The following CDK14 variants were observed in gnomAD, a reference collection of about 807,000 sequenced individuals.
The protein encoded by CDK14 is cyclin dependent kinase 14, also known as cyclin-dependent kinase 14.
In CDK14, 34 loss-of-function variants were observed where a neutral mutation model predicts 60.7. The observed-to-expected ratio is 0.56, with a 90% CI of 0.43 to 0.75. CDK14 has a LOEUF of 0.75. Among genes scored for constraint, CDK14 ranks in the 30% least tolerant of loss-of-function variants. CDK14 has a pLI of 0.00. For missense variants in CDK14, 482 were observed against 564.1 expected, an observed-to-expected ratio of 0.85 and a Z score of 1.47; for synonymous variants, 197 against 203.7, an observed-to-expected ratio of 0.97 and a Z score of 0.28.
chr7:90,970,035 C>A (rs1055423265), intron 9 of CDK14, among the ~76,000 whole-genome samples: 8 of 150,472 alleles, frequency 5.3e-5, no homozygotes, highest in Non-Finnish European at 8.8e-5. Flanking sequence ...GGCACAATCT[C>A]GGCTCATTGC....
chr7:90,856,729 A>G (rs75727887), intron 5 of CDK14, among the ~76,000 whole-genome samples: 6,380 of 152,262 alleles, frequency 0.042, 191 homozygotes, highest in Middle Eastern at 0.082. Flanking sequence ...AGTAAGGGAG[A>G]TGGAACTTAG....
At chr7:91,091,755 A>G (rs1302041029) in intron 12 of CDK14, among the ~76,000 whole-genome samples, 3 of 63,974 alleles carry the variant, frequency 4.7e-5, no homozygotes, top group Non-Finnish European at 6.8e-5. Context: ...GGAAGGAAGG[A>G]AGGAAGGAAG....
intron 10 of CDK14, among the ~76,000 whole-genome samples, chr7:91,038,285 C>T (rs952195680): frequency 6.6e-6 from 1 of 152,116 alleles, no homozygotes; most frequent in African/African-American, 2.4e-5. Context: ...TACAAGGATC[C>T]TTCAGGTCTA....
chr7:91,204,049 A>G (rs1562993647), intron 14 of CDK14, among the ~76,000 whole-genome samples: 1 of 152,182 alleles, frequency 6.6e-6, no homozygotes, highest in African/African-American at 2.4e-5. Context: ...TATCTGCACA[A>G]TCAAGCAAGG....
chr7:91,145,958 T>G lies in CDK14; in HGVS notation c.*28+27750T>G, dbSNP rs1294807555. ...TATTTATTTATTTATTTATTTATTT[T>G]TTATGTCAAGGCATCACAGATTAAA... On this transcript the variant is annotated intron_variant, in intron 14 of 14. Transcript: ENST00000380050. Among the ~76,000 whole-genome samples the G allele has an allele frequency of 2.1e-5, 3 of 140,960 alleles. No homozygotes were observed. The South Asian group carries it at 6.6e-4, about 31-fold the overall frequency. The allele number at this position is 140,960 out of a possible 152,430, so 92.5% of individuals were successfully genotyped here.
intron 6 of CDK14, among the ~76,000 whole-genome samples, chr7:90,893,062 T>C (rs890252040): frequency 2.6e-5 from 4 of 152,180 alleles, no homozygotes; most frequent in Admixed American, 2.0e-4. Flanking sequence ...TTGAAAGGAA[T>C]ATATGCTAGT....
intron 5 of CDK14, among the ~76,000 whole-genome samples, chr7:90,800,507 T>C (rs1222964969): frequency 1.0e-5 from 1 of 96,478 alleles, no homozygotes; most frequent in Non-Finnish European, 2.4e-5. Context: ...GGTGTTTGAC[T>C]GATACTTGAT....
In CDK14 at chr7:90,963,121, G is replaced by GTGTGTGTT. The variant is rs1267435147; in HGVS notation, c.947+7307_947+7308insGTGTTTGT. 6.3e-3 allele frequency among the ~76,000 whole-genome samples: 898 copies of GTGTGTGTT among 142,334 alleles called. 10 individuals are homozygous for GTGTGTGTT. The highest frequency in any genetic ancestry group is 0.018 in the African/African-American group (710 of 38,584). The allele number at this position is 142,334 out of a possible 152,430, so 93.4% of individuals were successfully genotyped here. On this transcript the variant is annotated intron_variant, in intron 9 of 14. Transcript: ENST00000380050. ...TGTGTGTGTGTGTGTGTGTGTGTGT[G>GTGTGTGTT]TGTTTTAATTTAGAAATATATAGGC... is the stretch of plus-strand genomic sequence containing the variant.
chr7:91,031,688 C>T (rs760232720), intron 10 of CDK14, among the ~76,000 whole-genome samples: 5 of 152,138 alleles, frequency 3.3e-5, no homozygotes, highest in Non-Finnish European at 5.9e-5. Context: ...AAATTCCCTG[C>T]ATCAGGTTCA....
intron 6 of CDK14, among the ~76,000 whole-genome samples, chr7:90,892,022 T>C (rs1286153874): frequency 7.2e-5 from 11 of 152,216 alleles, no homozygotes; most frequent in East Asian, 1.9e-4. Context: ...AAGCACTTAC[T>C]GAAAGAGGAA....
chr7:90,604,184 C>T (rs776064744), intron 1 of CDK14, 34 bp from the exon 2 acceptor site: 2 of 1,432,238 alleles, frequency 1.4e-6, no homozygotes, highest in Admixed American at 2.2e-5. Context: ...GAATTTTTCA[C>T]AATAACTGTT....
chr7:90,691,593 T>C (rs1288831727), intron 2 of CDK14, among the ~76,000 whole-genome samples: 1 of 152,114 alleles, frequency 6.6e-6, no homozygotes, highest in Non-Finnish European at 1.5e-5. Flanking sequence ...CTGAATGAGA[T>C]GGGAAACCAT....
intron 2 of CDK14, among the ~76,000 whole-genome samples, chr7:90,667,847 G>A (rs1051712171): frequency 3.3e-5 from 5 of 152,168 alleles, no homozygotes; most frequent in Non-Finnish European, 5.9e-5. Context: ...GGGATTACAG[G>A]CGTGAGCCAC....
At chr7:90,837,278 T>G (rs961448164) in intron 5 of CDK14, among the ~76,000 whole-genome samples, 2 of 151,708 alleles carry the variant, frequency 1.3e-5, no homozygotes, top group African/African-American at 4.8e-5. Context: ...TAATATTTCT[T>G]TCTTTCTTTT....
At chr7:91,012,420 T>C (rs1056987197) in intron 10 of CDK14, among the ~76,000 whole-genome samples, 3 of 152,202 alleles carry the variant, frequency 2.0e-5, no homozygotes, top group Non-Finnish European at 4.4e-5. Flanking sequence ...AGTTTTCTCT[T>C]GGTACAGATT....
intron 10 of CDK14, among the ~76,000 whole-genome samples, chr7:91,035,500 G>A (rs1457600247): frequency 2.6e-5 from 4 of 152,086 alleles, no homozygotes; most frequent in African/African-American, 9.7e-5. Context: ...TCTATTCAAA[G>A]CGATATCCCA....
At chr7:91,115,203 T>C (rs906880513) in intron 13 of CDK14, among the ~76,000 whole-genome samples, 3 of 152,210 alleles carry the variant, frequency 2.0e-5, no homozygotes, top group African/African-American at 7.2e-5. Flanking sequence ...TGTCTTAGTT[T>C]GGTCACACTG....
intron 12 of CDK14, among the ~76,000 whole-genome samples, chr7:91,091,916 G>C (rs1798843959): frequency 6.6e-6 from 1 of 151,862 alleles, no homozygotes; most frequent in Non-Finnish European, 1.5e-5. Flanking sequence ...GACATCAGTA[G>C]ACTGGTTTTT....
In CDK14 at chr7:90,807,814, G is replaced by A. The variant is rs76242483; in HGVS notation, c.544+17162G>A. 4.6e-5 allele frequency among the ~76,000 whole-genome samples: 7 copies of A among 152,260 alleles called. No homozygotes were observed. The East Asian group carries it at 9.7e-4, about 21-fold the overall frequency. On this transcript the variant is annotated intron_variant, in intron 5 of 14. Coordinates refer to ENST00000380050, the MANE Select transcript of CDK14 (RefSeq NM_001287135.2). ...AACCAAGGCACAAGAACTACATGAC[G>A]AATGTACAAGCCTCAGTAGCCAATT...
Sources: allele counts gnomAD v4.1 joint callset (sites outside exome capture counted in the v4.1 genomes callset), GRCh38; gene constraint gnomAD v4.1.1; transcripts MANE v1.5; gene names NCBI Gene and HGNC (gene_info 2026-07-23, HGNC 2026-07-21).